The following HSDL2 variants were observed in gnomAD, a reference collection of about 807,000 sequenced individuals.
HSDL2 encodes hydroxysteroid dehydrogenase like 2, also known as hydroxysteroid dehydrogenase-like protein 2.
In HSDL2, 27 loss-of-function variants were observed where a neutral mutation model predicts 46.3. The ratio of observed to expected loss-of-function variants is 0.58; its 90% CI spans 0.43 to 0.80. The LOEUF is 0.80. Among genes scored for constraint, HSDL2 ranks in the 30% least tolerant of loss-of-function variants. HSDL2 has a pLI of 0.00. For missense variants in HSDL2, 451 were observed against 502.7 expected, an observed-to-expected ratio of 0.90 and a Z score of 0.98; for synonymous variants, 153 against 163.6, an observed-to-expected ratio of 0.94 and a Z score of 0.50.
chr9:112,420,491 C>T (rs528621663), intron 6 of HSDL2, among the ~76,000 whole-genome samples: 1 of 143,526 alleles, frequency 7.0e-6, no homozygotes, highest in South Asian at 2.3e-4. Context: ...GCCTGGGCAA[C>T]ATAGTGAGGC....
At chr9:112,446,785 T>A (rs1044787633) in intron 8 of HSDL2, among the ~76,000 whole-genome samples, 11 of 152,196 alleles carry the variant, frequency 7.2e-5, no homozygotes, top group Non-Finnish European at 1.6e-4. Flanking sequence ...TGTCTGCTTA[T>A]CTTATTTGGG....
chr9:112,437,250 G>A (rs1221536308), intron 6 of HSDL2, among the ~76,000 whole-genome samples: 5 of 151,986 alleles, frequency 3.3e-5, no homozygotes, highest in African/African-American at 9.7e-5. Context: ...GTGAGCCACC[G>A]CACCTAGCTA....
intron 10 of HSDL2, among the ~76,000 whole-genome samples, chr9:112,463,212 AT>A (rs1325751032): frequency 6.0e-5 from 9 of 150,496 alleles, no homozygotes; most frequent in Non-Finnish European, 1.3e-4. Flanking sequence ...TCTTGGGTAG[AT>A]TTTTAAGAAT....
intron 1 of HSDL2, among the ~76,000 whole-genome samples, chr9:112,397,205 C>T (rs373950763): frequency 5.9e-5 from 9 of 152,232 alleles, no homozygotes; most frequent in African/African-American, 1.9e-4. Context: ...TCAGTCGAGC[C>T]GGTTTGATTG....
chr9:112,440,362 A>G (rs1343131981), intron 7 of HSDL2, among the ~76,000 whole-genome samples: 25 of 152,072 alleles, frequency 1.6e-4, no homozygotes, highest in Admixed American at 1.5e-3. Context: ...TTGAGCCCAG[A>G]AGTTTGAGAC....
At chr9:112,453,371 A>G (rs1248571764) in intron 8 of HSDL2, among the ~76,000 whole-genome samples, 1 of 152,072 alleles carries the variant, frequency 6.6e-6, no homozygotes, top group African/African-American at 2.4e-5. Flanking sequence ...CTCATACTCC[A>G]GTAGTTGTGT....
At chr9:112,393,067 G>A (rs961720461) in intron 1 of HSDL2, among the ~76,000 whole-genome samples, 3 of 152,098 alleles carry the variant, frequency 2.0e-5, no homozygotes, top group Non-Finnish European at 2.9e-5. Context: ...CGCAGGATTC[G>A]TTGACTGGTC....
chr9:112,405,947 G>A (rs1376539897), intron 3 of HSDL2, among the ~76,000 whole-genome samples: 1 of 152,064 alleles, frequency 6.6e-6, no homozygotes, highest in Non-Finnish European at 1.5e-5. Context: ...GATCACTTGA[G>A]GTCAGGAGTT....
At position 112,471,200 on chromosome 9, in the gene HSDL2, G is replaced by A. The variant is rs912647561; in HGVS notation, c.*656G>A. The A allele has an allele frequency of 6.6e-6, 1 of 152,126 alleles. No individual in the cohort carries two copies. The highest frequency in any genetic ancestry group is 1.5e-5 in the Non-Finnish European group (1 of 68,036). 9.4% of individuals were successfully genotyped at this position (152,126 alleles called of 1,614,324 possible). A position where few individuals can be genotyped will look rare whatever the true frequency, so the allele number is the denominator to read the frequency against. On this transcript the variant is annotated 3_prime_UTR_variant, in exon 11 of 11. Coordinates refer to ENST00000398805, the MANE Select transcript of HSDL2 (RefSeq NM_032303.5). ...CTAAAACAAAATAATTTTCTCCCTA[G>A]GAGTATGCATTTGGCTACAGTGTTT... is the stretch of plus-strand genomic sequence containing the variant.
intron 10 of HSDL2, 71 bp downstream of exon 10, chr9:112,459,648 CT>C: frequency 7.6e-7 from 1 of 1,322,124 alleles, no homozygotes; most frequent in South Asian, 1.2e-5. Flanking sequence ...TGCTTTATCC[CT>C]TCCCAAATAA....
chr9:112,433,011 G>A (rs1390742637), intron 6 of HSDL2, among the ~76,000 whole-genome samples: 2 of 151,972 alleles, frequency 1.3e-5, no homozygotes, highest in Non-Finnish European at 2.9e-5. Flanking sequence ...CTGACCTCAA[G>A]TGATCCACCC....
intron 6 of HSDL2, among the ~76,000 whole-genome samples, chr9:112,427,197 G>A (rs1267946434): frequency 6.6e-6 from 1 of 152,142 alleles, no homozygotes; most frequent in Non-Finnish European, 1.5e-5. Flanking sequence ...TGGGATTATA[G>A]GCGCCCACCG....
At chr9:112,424,317 T>C (rs1463711072) in intron 6 of HSDL2, among the ~76,000 whole-genome samples, 2 of 108,848 alleles carry the variant, frequency 1.8e-5, no homozygotes, top group East Asian at 4.6e-4. Context: ...CGAGATTCCA[T>C]CTCAAAAAAA....
At chr9:112,417,091 A>G in intron 5 of HSDL2, 147 bp downstream of exon 5, 1 of 448,730 alleles carries the variant, frequency 2.2e-6, no homozygotes, top group Non-Finnish European at 4.0e-6. Flanking sequence ...TTTGGAAAGT[A>G]GATTCTTCAT....
At chr9:112,396,794 C>G (rs1831467028) in intron 1 of HSDL2, among the ~76,000 whole-genome samples, 1 of 152,128 alleles carries the variant, frequency 6.6e-6, no homozygotes, top group Non-Finnish European at 1.5e-5. Flanking sequence ...CACCCCGCCC[C>G]CTACTGTGGA....
At chr9:112,394,769 G>A (rs1446028443) in intron 1 of HSDL2, among the ~76,000 whole-genome samples, 2 of 152,134 alleles carry the variant, frequency 1.3e-5, no homozygotes, top group African/African-American at 2.4e-5. Flanking sequence ...GTGGATGTCC[G>A]AGGCACAGAG....
rs570582626 is a variant in HSDL2 at position 112,380,992 on chromosome 9, G to A, written c.17+812G>A. Among the ~76,000 whole-genome samples the A allele has an allele frequency of 1.9e-4, 29 of 151,888 alleles. No individual in the cohort carries two copies. In the South Asian group the frequency reaches 5.8e-3, roughly 31 times the overall value. On this transcript the variant is annotated intron_variant, in intron 1 of 10. Transcript: ENST00000398805. ...ACTTAAAACAGTTCAAAGAGTATAG[G>A]GTAAAAAGTGAGTCTCCCCATCCCT...
chr9:112,459,300 A>G (rs1833131867), intron 9 of HSDL2, 149 bp from the exon 10 acceptor site: 14 of 762,072 alleles, frequency 1.8e-5, no homozygotes, highest in Middle Eastern at 3.7e-4. Context: ...GACGTGCTTA[A>G]TAAATATTTG....
At chr9:112,467,725 T>A (rs1436203370) in intron 10 of HSDL2, among the ~76,000 whole-genome samples, 1 of 152,160 alleles carries the variant, frequency 6.6e-6, no homozygotes, top group African/African-American at 2.4e-5. Flanking sequence ...AAAGTCTTCC[T>A]GTACTCTTCC....
Sources: gnomAD v4.1 joint callset for allele counts (sites outside exome capture counted in the v4.1 genomes callset) on GRCh38, gnomAD v4.1.1 for gene constraint, MANE v1.5 for transcripts, NCBI Gene and HGNC (gene_info 2026-07-23, HGNC 2026-07-21) for gene names.